The following SREBF2 variants were observed in gnomAD, a reference collection of about 807,000 sequenced individuals.
SREBF2 encodes the protein sterol regulatory element-binding protein 2.
A neutral mutation model predicts 113.1 loss-of-function variants in SREBF2; 55 were observed. The ratio of observed to expected loss-of-function variants is 0.49; its 90% CI spans 0.39 to 0.61. The LOEUF (loss-of-function observed/expected upper bound fraction) is 0.61. Among genes scored for constraint, SREBF2 ranks in the 20% least tolerant of loss-of-function variants. SREBF2 has a pLI of 0.00. For missense variants in SREBF2, 1,349 were observed against 1,487.4 expected (o/e 0.91, Z 1.53); for synonymous variants, 593 against 605.7 (o/e 0.98, Z 0.31).
chr22:41,885,497 A>T (rs1398847164), intron 11 of SREBF2: 2 of 193,602 alleles, frequency 1.0e-5, no homozygotes, highest in Non-Finnish European at 2.2e-5. Context: ...AAGAAAAGAA[A>T]AATGAAATGA....
chr22:41,905,495 C>T lies in SREBF2; in HGVS notation c.3261C>T (p.Ala1087=). The change falls in exon 19 of 19, where the codon GCC becomes GCT. Residue 1087 remains alanine (A), a synonymous_variant. Coordinates refer to ENST00000361204, the MANE Select transcript of SREBF2 (RefSeq NM_004599.4). ...QRERATAILL[A]CRHLPLSFLS... ...AGCGGGCCACCGCCATCCTGCTGGCCTGCCGCCACCTGCCCCTCTCCTTCC... is the reference window on the plus strand; with the variant it reads ...AGCGGGCCACCGCCATCCTGCTGGCTTGCCGCCACCTGCCCCTCTCCTTCC... 6.3e-7 allele frequency: 1 copy of T among 1,578,124 alleles called. No homozygotes were observed. The highest frequency in any genetic ancestry group is 8.6e-7 in the Non-Finnish European group (1 of 1,162,530).
At position 41,906,551 on chromosome 22, in the gene SREBF2, C is replaced by CAACTT. The variant is rs1265807048; in HGVS notation, c.*895_*899dup. ...CTACCTCCACAGTACAGACTGTCCC[C>CAACTT]AACTTAACAGTGGTTCAACTTAAAC... On this transcript the variant is annotated 3_prime_UTR_variant, in exon 19 of 19. Coordinates refer to ENST00000361204, the MANE Select transcript of SREBF2 (RefSeq NM_004599.4). 1.3e-5 allele frequency: 2 copies of CAACTT among 153,398 alleles called. No individual in the cohort carries two copies. Among genetic ancestry groups the CAACTT allele is most frequent in the Non-Finnish European group, 1.5e-5 (1 of 68,862 alleles). 9.5% of individuals were successfully genotyped at this position (153,398 alleles called of 1,614,324 possible).
chr22:41,895,047 G>C (rs1244273340), intron 13 of SREBF2, 110 bp downstream of exon 13: 2 of 827,418 alleles, frequency 2.4e-6, no homozygotes, highest in East Asian at 5.2e-5. Context: ...CATCGGGTTG[G>C]CAGGGCAATC....
In SREBF2 at chr22:41,833,197, G is replaced by T; in HGVS notation, c.-74G>T. The T allele has an allele frequency of 8.0e-7, 1 of 1,243,452 alleles. No homozygotes were observed. The highest frequency in any genetic ancestry group is 1.1e-6 in the Non-Finnish European group (1 of 911,926). The allele number at this position is 1,243,452 out of a possible 1,614,324, so 77.0% of individuals were successfully genotyped here. On this transcript the variant is annotated 5_prime_UTR_variant, in exon 1 of 19. Transcript: ENST00000361204. This position sits in a 1 kb window ranked among gnomAD's most constrained non-coding sequence, Gnocchi z 4.1. ...CGGGCGGGGGTTGTCGGGTGTCATG[G>T]GCGGTGGCGACGGCACCGCCCCCGC...
chr22:41,892,096 G>A (rs1241181681), intron 11 of SREBF2, among the ~76,000 whole-genome samples: 1 of 152,150 alleles, frequency 6.6e-6, no homozygotes, highest in African/African-American at 2.4e-5. Flanking sequence ...GGGGTGCCAT[G>A]GGGTTTCTGT....
chr22:41,839,424 G>A lies in SREBF2; in HGVS notation c.88+6066G>A, dbSNP rs114823517. On this transcript the variant is annotated intron_variant, in intron 1 of 18. Transcript: ENST00000361204. The stretch of plus-strand genomic sequence containing the variant: ...TTTCAAGGAGTAGTCTGTAGATGGT[G>A]GAGACAATGCCACAGAGAACAACAA... 4.8e-3 allele frequency among the ~76,000 whole-genome samples: 725 copies of A among 152,226 alleles called. 7 individuals are homozygous for A. Among genetic ancestry groups the A allele is most frequent in the African/African-American group, 0.015 (635 of 41,500 alleles).
At chr22:41,890,612 C>T (rs2077351302) in intron 11 of SREBF2, among the ~76,000 whole-genome samples, 1 of 152,026 alleles carries the variant, frequency 6.6e-6, no homozygotes, top group Admixed American at 6.5e-5. Flanking sequence ...GGGGGAGGCT[C>T]CTAGGCCCCA....
intron 11 of SREBF2, among the ~76,000 whole-genome samples, chr22:41,888,714 C>T (rs2077324600): frequency 6.6e-6 from 1 of 152,188 alleles, no homozygotes; most frequent in Admixed American, 6.5e-5. Flanking sequence ...TCATGCACCT[C>T]CATAAGAGTT....
chr22:41,873,535 C>G (rs970728823), intron 4 of SREBF2, among the ~76,000 whole-genome samples: 8 of 152,034 alleles, frequency 5.3e-5, no homozygotes, highest in Non-Finnish European at 1.2e-4. Flanking sequence ...ATACGTAGAT[C>G]AAAACTTAAA....
intron 16 of SREBF2, 144 bp from the exon 17 acceptor site, chr22:41,902,826 C>T (rs1017996743): frequency 1.2e-5 from 11 of 889,800 alleles, no homozygotes; most frequent in East Asian, 1.1e-4. Flanking sequence ...TCACGTCCTG[C>T]GGAGTTCACC....
intron 1 of SREBF2, among the ~76,000 whole-genome samples, chr22:41,855,884 T>C (rs1341705300): frequency 6.6e-6 from 1 of 151,554 alleles, no homozygotes; most frequent in Non-Finnish European, 1.5e-5. Flanking sequence ...GCCTCCCAAG[T>C]AGCTGGGACT....
At chr22:41,864,261 T>TACACACACACACACAC (rs1158750306) in intron 1 of SREBF2, among the ~76,000 whole-genome samples, 2 of 51,004 alleles carry the variant, frequency 3.9e-5, no homozygotes, top group African/African-American at 1.5e-4. Flanking sequence ...TATATATATA[T>TACACACACACACACAC]ACACACACAC....
At chr22:41,878,739 C>T in intron 9 of SREBF2, 1 of 1,304,206 alleles carries the variant, frequency 7.7e-7, no homozygotes, top group Non-Finnish European at 1.0e-6. Context: ...GAACAAGAAC[C>T]AGAACACTCC....
At chr22:41,872,065 A>G (rs919208516) in intron 4 of SREBF2, among the ~76,000 whole-genome samples, 1 of 152,044 alleles carries the variant, frequency 6.6e-6, no homozygotes, top group Non-Finnish European at 1.5e-5. Flanking sequence ...CCTGGCTACC[A>G]TGGTGAAACC....
rs1412370189 is a variant in SREBF2, at chr22:41,870,129, CA to C, written c.721-758del. 1.9e-4 allele frequency among the ~76,000 whole-genome samples: 29 copies of C among 152,208 alleles called. 1 individual carries two copies. The highest frequency in any genetic ancestry group is 4.0e-4 in the Non-Finnish European group (27 of 68,046). ...TTGGTCTCCCAAAGTGCTGGGATTA[CA>C]AGCATGAGCCACCACATCTGGCCTA... On this transcript the variant is annotated intron_variant, in intron 3 of 18. Coordinates refer to ENST00000361204, the MANE Select transcript of SREBF2 (RefSeq NM_004599.4).
chr22:41,839,481 C>G (rs2076807849), intron 1 of SREBF2, among the ~76,000 whole-genome samples: 1 of 151,922 alleles, frequency 6.6e-6, no homozygotes, highest in Non-Finnish European at 1.5e-5. Context: ...AGTCGTGGGA[C>G]TTGGTATTAG....
chr22:41,883,045 A>G (rs939967888), intron 10 of SREBF2, among the ~76,000 whole-genome samples: 5 of 152,056 alleles, frequency 3.3e-5, no homozygotes, highest in African/African-American at 4.8e-5. Flanking sequence ...AGGTAGATCG[A>G]GGCTGCAGCG....
At chr22:41,880,385 C>T (rs548813129) in intron 9 of SREBF2, among the ~76,000 whole-genome samples, 59 of 125,758 alleles carry the variant, frequency 4.7e-4, no homozygotes, top group Non-Finnish European at 6.8e-4. Flanking sequence ...AACCCTGTCT[C>T]TACTAAAAAT....
intron 1 of SREBF2, among the ~76,000 whole-genome samples, chr22:41,837,627 G>A (rs1373895015): frequency 6.6e-6 from 1 of 150,932 alleles, no homozygotes; most frequent in Non-Finnish European, 1.5e-5. Context: ...GGGAGGCCGA[G>A]GCGGGTGGAT....
Sources: allele counts gnomAD v4.1 joint callset (sites outside exome capture counted in the v4.1 genomes callset), GRCh38; gene constraint gnomAD v4.1.1; non-coding constraint Gnocchi (gnomAD v3.1); transcripts MANE v1.5; gene names NCBI Gene and HGNC (gene_info 2026-07-23, HGNC 2026-07-21).